Variants in ABCA4 observed in about 807,000 individuals in gnomAD.
ABCA4 encodes the protein ATP binding cassette subfamily A member 4.
A neutral mutation model predicts 263.7 loss-of-function variants in ABCA4; 196 were observed. That is an observed-to-expected ratio of 0.74 (90% CI 0.66 to 0.84). ABCA4 has a LOEUF of 0.84. Among genes scored for constraint, ABCA4 ranks in the 40% least tolerant of loss-of-function variants. ABCA4 has a pLI of 0.00. For missense variants in ABCA4, 2,792 were observed against 2,855.1 expected, an observed-to-expected ratio of 0.98 and a Z score of 0.50; for synonymous variants, 1,133 against 1,094.2, an observed-to-expected ratio of 1.04 and a Z score of -0.70.
chr1:94,076,860 T>C (rs1223800804), intron 11 of ABCA4, among the ~76,000 whole-genome samples: 1 of 151,738 alleles, frequency 6.6e-6, no homozygotes, highest in Non-Finnish European at 1.5e-5. Flanking sequence ...AGAGGCAGAG[T>C]TGAGAGATAT....
chr1:94,081,574 GT>G (rs1191366019), intron 7 of ABCA4, among the ~76,000 whole-genome samples: 1 of 152,208 alleles, frequency 6.6e-6, no homozygotes, highest in African/African-American at 2.4e-5. Flanking sequence ...CTTGAAATGT[GT>G]GGTTTGTGGT....
chr1:94,025,887 C>A (rs1172683287), intron 30 of ABCA4, among the ~76,000 whole-genome samples: 4 of 152,056 alleles, frequency 2.6e-5, no homozygotes, highest in Admixed American at 1.3e-4. Context: ...TCCCCAGCAC[C>A]CAGAATAGTG....
At chr1:94,040,626 T>C (rs1241146112) in intron 23 of ABCA4, among the ~76,000 whole-genome samples, 2 of 152,162 alleles carry the variant, frequency 1.3e-5, no homozygotes, top group African/African-American at 4.8e-5. Context: ...CAGAGGTCAT[T>C]AGCTTCATGT....
Position 94,080,652 on chromosome 1 carries a change from G to A in ABCA4, c.925C>T (p.Pro309Ser). The A allele has an allele frequency of 1.2e-6, 2 of 1,614,038 alleles. No individual in the cohort carries two copies. The highest frequency in any genetic ancestry group is 1.3e-5 in the African/African-American group (1 of 74,970). Residue 309 changes from proline to serine, a missense_variant, in exon 8 of 50, where the codon CCA becomes TCA. Pro to Ser is a moderately conservative substitution (Grantham distance 74). Coordinates refer to ENST00000370225, the MANE Select transcript of ABCA4 (RefSeq NM_000350.3). ...CCCATCAGCTTTGTAAAGGTCTCTG[G>A]ACCACCATTCTGCATGAGGGGCCTG... ...VTRPLMQNGG[P>S]ETFTKLMGIL...
chr1:94,024,237 G>C (rs1659976712), intron 31 of ABCA4, among the ~76,000 whole-genome samples: 2 of 152,124 alleles, frequency 1.3e-5, no homozygotes, highest in African/African-American at 4.8e-5. Flanking sequence ...AGCCTGTGCG[G>C]ACTGGACCAC....
chr1:94,115,998 G>A (rs1417886979), intron 1 of ABCA4, among the ~76,000 whole-genome samples: 2 of 152,110 alleles, frequency 1.3e-5, no homozygotes, highest in African/African-American at 4.8e-5. Context: ...CCTGTTCCAG[G>A]GGTAAAATTT....
At chr1:94,080,003 AAAAT>A (rs1037315009) in intron 8 of ABCA4, among the ~76,000 whole-genome samples, 6 of 152,070 alleles carry the variant, frequency 3.9e-5, no homozygotes, top group African/African-American at 1.4e-4. Context: ...CAAAAAAAAA[AAAAT>A]AGTGAAAGGT....
At chr1:94,054,427 T>C (rs1428217489) in intron 16 of ABCA4, among the ~76,000 whole-genome samples, 2 of 152,194 alleles carry the variant, frequency 1.3e-5, no homozygotes, top group African/African-American at 2.4e-5. Context: ...GCCATAGTTA[T>C]GTAGATCTCT....
chr1:94,032,067 A>C (rs774383202), intron 26 of ABCA4, 24 bp from the exon 27 acceptor site: 10 of 1,604,258 alleles, frequency 6.2e-6, no homozygotes, highest in Non-Finnish European at 8.5e-6. Context: ...TTGAATTAAT[A>C]ATTTGGAAAA....
chr1:94,027,835 C>T (rs1660082842), intron 30 of ABCA4, among the ~76,000 whole-genome samples: 2 of 152,206 alleles, frequency 1.3e-5, no homozygotes. Context: ...TGTTTTGCTT[C>T]ATCCTTCTTC....
chr1:94,056,474 G>T (rs1234830191), intron 15 of ABCA4, 127 bp downstream of exon 15: 2 of 1,041,772 alleles, frequency 1.9e-6, no homozygotes, highest in Non-Finnish European at 2.9e-6. Context: ...TTAGCCTCAC[G>T]TGAACTTTTT....
chr1:94,017,547 C>CTAGA (rs1435865090), intron 36 of ABCA4, among the ~76,000 whole-genome samples: 1 of 152,200 alleles, frequency 6.6e-6, no homozygotes, highest in Non-Finnish European at 1.5e-5. Context: ...TGATTCTGAG[C>CTAGA]TAGATCCTTT....
intron 14 of ABCA4, among the ~76,000 whole-genome samples, chr1:94,058,846 G>A (rs115331396): frequency 2.6e-4 from 40 of 152,300 alleles, no homozygotes; most frequent in African/African-American, 9.6e-4. Flanking sequence ...AATAGCTCGA[G>A]TAACAAAGGG....
chr1:94,021,089 C>T, intron 35 of ABCA4, 151 bp downstream of exon 35: 1 of 1,038,504 alleles, frequency 9.6e-7, no homozygotes, highest in South Asian at 1.3e-5. Context: ...AAGTGTGAGG[C>T]ACTTATTTGA....
At chr1:94,114,511 G>T (rs1662696783) in intron 1 of ABCA4, among the ~76,000 whole-genome samples, 1 of 151,968 alleles carries the variant, frequency 6.6e-6, no homozygotes, top group Non-Finnish European at 1.5e-5. Context: ...TTTTGAGACG[G>T]AGTCTCACTC....
Position 93,997,046 on chromosome 1 carries a change from A to G in ABCA4, c.6729+815T>C, listed in dbSNP as rs143960059. On this transcript the variant is annotated intron_variant, in intron 48 of 49. Coordinates refer to ENST00000370225, the MANE Select transcript of ABCA4 (RefSeq NM_000350.3). ...CACAGATTTTCACTGAAGCAAGATG[A>G]AAGAGTTCTATCGGGGATGGTGGTA... Among the ~76,000 whole-genome samples, 307 of 152,314 alleles carry G rather than the reference A, an allele frequency of 2.0e-3. 4 individuals are homozygous for G. Among genetic ancestry groups the G allele is most frequent in the African/African-American group, 6.4e-3 (266 of 41,578 alleles).
At chr1:94,011,480 G>A in intron 38 of ABCA4, 95 bp from the exon 39 acceptor site, 2 of 1,588,358 alleles carry the variant, frequency 1.3e-6, no homozygotes, top group South Asian at 2.2e-5. Context: ...GGACAGCACA[G>A]GGCAAGGCCT....
At chr1:94,027,642 G>C (rs1247493835) in intron 30 of ABCA4, among the ~76,000 whole-genome samples, 1 of 152,172 alleles carries the variant, frequency 6.6e-6, no homozygotes, top group Non-Finnish European at 1.5e-5. Context: ...GGGTGTTCTT[G>C]GCCTAGAACC....
intron 30 of ABCA4, chr1:94,025,534 T>A: frequency 4.7e-6 from 1 of 214,812 alleles, no homozygotes. Context: ...GTGGCCGATG[T>A]GTGTGGCCCT....
Sources: gnomAD v4.1 joint callset for allele counts (sites outside exome capture counted in the v4.1 genomes callset) on GRCh38, gnomAD v4.1.1 for gene constraint, MANE v1.5 for transcripts, NCBI Gene and HGNC (gene_info 2026-07-23, HGNC 2026-07-21) for gene names.